PIK3C2A: variants seen among roughly 807,000 people sequenced by gnomAD.
PIK3C2A encodes phosphatidylinositol-4-phosphate 3-kinase catalytic subunit type 2 alpha.
Under a neutral mutation model 204.5 loss-of-function variants are expected in PIK3C2A, and 97 were observed. The observed-to-expected ratio is 0.47, with a 90% confidence interval of 0.40 to 0.56. The LOEUF (loss-of-function observed/expected upper bound fraction) is 0.56, where lower values mean the gene tolerates loss of function less well. PIK3C2A is among the 20% of genes least tolerant of loss of function. The pLI is 0.00. For synonymous variants in PIK3C2A, 653 were observed against 664.4 expected, an observed-to-expected ratio of 0.98 and a Z score of 0.26; for missense variants, 1,735 against 1,969.2, an observed-to-expected ratio of 0.88 and a Z score of 2.25.
intron 25 of PIK3C2A, 68 bp downstream of exon 25, chr11:17,101,208 ATC>A: frequency 4.5e-6 from 4 of 891,722 alleles, no homozygotes; most frequent in Non-Finnish European, 6.5e-6. Context: ...TCACAAAATA[ATC>A]TTTTTTAAGT....
At chr11:17,114,734 T>C (rs912401985) in intron 19 of PIK3C2A, among the ~76,000 whole-genome samples, 1 of 152,220 alleles carries the variant, frequency 6.6e-6, no homozygotes, top group African/African-American at 2.4e-5. Context: ...CAAAAATGAA[T>C]GCAGTTTTTC....
chr11:17,137,852 TTG>T, intron 8 of PIK3C2A: 1 of 313,158 alleles, frequency 3.2e-6, no homozygotes, highest in Non-Finnish European at 6.2e-6. Context: ...ATTTTGTCAA[TTG>T]AACACACAGA....
chr11:17,204,692 T>C (rs1175685358), intron 1 of PIK3C2A, among the ~76,000 whole-genome samples: 2 of 152,148 alleles, frequency 1.3e-5, no homozygotes, highest in African/African-American at 4.8e-5. Context: ...ATTTTTCTTA[T>C]CCCTGGGAAC....
At chr11:17,112,982 A>G (rs943527980) in intron 20 of PIK3C2A, among the ~76,000 whole-genome samples, 1 of 151,908 alleles carries the variant, frequency 6.6e-6, no homozygotes, top group African/African-American at 2.4e-5. Context: ...ACAGCAAATG[A>G]AATAACACAT....
rs1423214621 is a variant in PIK3C2A at position 17,097,238 on chromosome 11, A to G, written c.4145T>C (p.Ile1382Thr). 6.2e-7 allele frequency: 1 copy of G among 1,613,176 alleles called. No homozygotes were observed. Among genetic ancestry groups the G allele is most frequent in the Non-Finnish European group, 8.5e-7 (1 of 1,179,238 alleles). ...AATGAAGAAGTTAAACTTTGTGGCA[A>G]TGCTTCCCAAACTTGATTCAATAAG... Reference protein sequence around the residue: ...TRLIESSLGSIATKFNFFIHN... With the variant: ...TRLIESSLGSTATKFNFFIHN... The change falls in exon 27 of 33, where the codon ATT becomes ACT. Residue 1382 changes from isoleucine to threonine, a missense_variant. By Grantham distance (89) the Ile-to-Thr change is moderately conservative. Transcript: ENST00000691414.
intron 22 of PIK3C2A, among the ~76,000 whole-genome samples, chr11:17,109,479 A>C (rs1848929428): frequency 6.6e-6 from 1 of 152,248 alleles, no homozygotes; most frequent in African/African-American, 2.4e-5. Flanking sequence ...AGTAAGATAG[A>C]AATCTGCTAT....
intron 1 of PIK3C2A, among the ~76,000 whole-genome samples, chr11:17,180,273 T>C (rs997920910): frequency 6.6e-6 from 1 of 151,956 alleles, no homozygotes; most frequent in African/African-American, 2.4e-5. Flanking sequence ...GAGTCTGAGA[T>C]GGGAAGACTG....
intron 5 of PIK3C2A, 33 bp downstream of exon 5, chr11:17,148,634 C>T: frequency 6.3e-7 from 1 of 1,593,790 alleles, no homozygotes; most frequent in Non-Finnish European, 8.5e-7. Flanking sequence ...ATGAAATTTC[C>T]AAGGATGTTG....
chr11:17,178,991 A>C (rs1335730780), intron 1 of PIK3C2A, among the ~76,000 whole-genome samples: 2 of 148,866 alleles, frequency 1.3e-5, no homozygotes, highest in East Asian at 2.0e-4. Context: ...GGCCTCCCAA[A>C]GTGCTGGGAT....
chr11:17,169,588 G>T lies in PIK3C2A; in HGVS notation c.154C>A (p.Gln52Lys), dbSNP rs200307463. Residue 52 changes from glutamine (Q) to lysine (K), a missense_variant, in exon 2 of 33, where the codon CAG becomes AAG. Physicochemically the swap from Gln to Lys is moderately conservative, Grantham distance 53 (BLOSUM62 1). Coordinates refer to ENST00000691414, the MANE Select transcript of PIK3C2A (RefSeq NM_002645.4). ...LQKDRQVTDNQRGFELSSSTR... is the reference protein window; with the variant it reads ...LQKDRQVTDNKRGFELSSSTR... Reference sequence around the variant, plus strand: ...CTGCTTGACAACTCAAAGCCTCTCTGATTGTCAGTCACTTGTCTATCCTTT... The same window carrying T: ...CTGCTTGACAACTCAAAGCCTCTCTTATTGTCAGTCACTTGTCTATCCTTT... 1 of 1,614,112 alleles carries T rather than the reference G, an allele frequency of 6.2e-7. No homozygotes were observed.
Position 17,088,656 on chromosome 11 carries a change from ATAAG to A in PIK3C2A, c.*1078_*1081del, listed in dbSNP as rs1301842134. The A allele has an allele frequency of 6.6e-6, 1 of 152,272 alleles. No individual in the cohort carries two copies. The highest frequency in any genetic ancestry group is 1.5e-5 in the Non-Finnish European group (1 of 68,044). The allele number at this position is 152,272 out of a possible 1,614,324, so 9.4% of individuals were successfully genotyped here. On this transcript the variant is annotated 3_prime_UTR_variant, in exon 33 of 33. Coordinates refer to ENST00000691414, the MANE Select transcript of PIK3C2A (RefSeq NM_002645.4). Reference sequence around the variant, plus strand: ...ATGTGAATGTAAAATGTTTACACACATAAGTAAGACAGTTTACAAGACAAACTGG... The same window carrying A: ...ATGTGAATGTAAAATGTTTACACACATAAGACAGTTTACAAGACAAACTGG...
In PIK3C2A at chr11:17,148,712, C is replaced by T. The variant is rs1232053686; in HGVS notation, c.1403G>A (p.Gly468Asp). The T allele has an allele frequency of 6.2e-7, 1 of 1,613,266 alleles. No individual in the cohort carries two copies. Among genetic ancestry groups the T allele is most frequent in the East Asian group, 2.2e-5 (1 of 44,786 alleles). ...VHDDLNQVDV[G>D]SYVLKVCGQE... ...ACCACAAACTTTTAGAACATAGCTG[C>T]CAACATCTACTTGATTCAAGTCATC... Residue 468 changes from glycine to aspartate, a missense_variant, in exon 5 of 33, where the codon GGC (glycine) becomes GAC (aspartate). Transcript: ENST00000691414.
chr11:17,165,595 G>A (rs957195168), intron 2 of PIK3C2A, among the ~76,000 whole-genome samples: 16 of 152,038 alleles, frequency 1.1e-4, no homozygotes, highest in Non-Finnish European at 2.2e-4. Context: ...GACCAACATG[G>A]AGAAACCGCG....
chr11:17,117,903 T>C (rs568983545), intron 18 of PIK3C2A, among the ~76,000 whole-genome samples: 163 of 151,278 alleles, frequency 1.1e-3, no homozygotes, highest in African/African-American at 3.8e-3. Flanking sequence ...TTAGTAGAGA[T>C]GGGGTTTCAC....
intron 21 of PIK3C2A, 23 bp downstream of exon 21, chr11:17,112,551 A>G: frequency 8.5e-7 from 1 of 1,169,828 alleles, no homozygotes; most frequent in South Asian, 1.5e-5. Context: ...TGCCATTAAA[A>G]AACAGTAACA....
chr11:17,148,623 A>G (rs774240321), intron 5 of PIK3C2A, 44 bp downstream of exon 5: 2 of 1,584,062 alleles, frequency 1.3e-6, no homozygotes, highest in Non-Finnish European at 1.7e-6. Flanking sequence ...AACCATTAAA[A>G]ATGAAATTTC....
intron 1 of PIK3C2A, chr11:17,204,371 G>A (rs966795230): frequency 7.9e-5 from 12 of 152,114 alleles, no homozygotes; most frequent in Admixed American, 2.6e-4. Flanking sequence ...ATATGTAGTC[G>A]AATCCTGAAT....
At chr11:17,091,065 T>A (rs956032958) in intron 32 of PIK3C2A, among the ~76,000 whole-genome samples, 1 of 151,874 alleles carries the variant, frequency 6.6e-6, no homozygotes, top group African/African-American at 2.4e-5. Flanking sequence ...TTTTAAAATT[T>A]AAAATCTCAA....
intron 13 of PIK3C2A, among the ~76,000 whole-genome samples, chr11:17,125,599 C>G (rs933169258): frequency 7.9e-5 from 12 of 152,004 alleles, no homozygotes; most frequent in African/African-American, 2.9e-4. Flanking sequence ...CTGCAAAACT[C>G]CACCTCCCGG....
Sources: gnomAD v4.1 joint callset for allele counts (sites outside exome capture counted in the v4.1 genomes callset) on GRCh38, gnomAD v4.1.1 for gene constraint, MANE v1.5 for transcripts, NCBI Gene and HGNC (gene_info 2026-07-23, HGNC 2026-07-21) for gene names.